Variants in KDM2A observed in about 807,000 individuals in gnomAD.
The protein encoded by KDM2A is lysine demethylase 2A, also known as lysine-specific demethylase 2A.
In KDM2A, 3 loss-of-function variants were observed where a neutral mutation model predicts 137.3. That is an observed-to-expected ratio of 0.02 (90% confidence interval 0.01 to 0.06). The LOEUF (loss-of-function observed/expected upper bound fraction) is 0.06. Ranked by LOEUF, KDM2A falls within the 10% of genes least tolerant of loss-of-function variation. The pLI, the probability that KDM2A is intolerant of heterozygous loss-of-function variation, is 1.00. For missense variants in KDM2A, 738 were observed against 1,510.6 expected (o/e 0.49, Z 8.48); for synonymous variants, 512 against 541.5 (o/e 0.95, Z 0.76).
intron 5 of KDM2A, among the ~76,000 whole-genome samples, chr11:67,189,114 T>G (rs1454732746): frequency 2.0e-5 from 3 of 152,138 alleles, no homozygotes; most frequent in Non-Finnish European, 2.9e-5. Context: ...GCATACACAT[T>G]CTTTTCAAGT....
chr11:67,121,385 C>A, intron 2 of KDM2A, 27 bp downstream of exon 2: 2 of 1,604,836 alleles, frequency 1.2e-6, no homozygotes, highest in Non-Finnish European at 1.7e-6. Context: ...CCCACCACAC[C>A]CTCCAGTTTT....
intron 8 of KDM2A, 83 bp from the exon 9 acceptor site, chr11:67,217,648 A>T (rs1387018738): frequency 7.2e-7 from 1 of 1,395,954 alleles, no homozygotes; most frequent in Non-Finnish European, 1.0e-6. Context: ...TGGTGGTCTT[A>T]ATTTTGTACC....
At chr11:67,177,811 T>C (rs1447606847) in intron 2 of KDM2A, among the ~76,000 whole-genome samples, 1 of 152,212 alleles carries the variant, frequency 6.6e-6, no homozygotes, top group Non-Finnish European at 1.5e-5. Flanking sequence ...CCTAACAGTA[T>C]GTGCTACACT....
At chr11:67,172,985 G>GTTTTTA (rs1856909410) in intron 2 of KDM2A, among the ~76,000 whole-genome samples, 1 of 151,928 alleles carries the variant, frequency 6.6e-6, no homozygotes, top group Admixed American at 6.6e-5. Flanking sequence ...TGATGCACTG[G>GTTTTTA]TTTTTATTTT....
chr11:67,140,675 C>A (rs1281674399), intron 2 of KDM2A, among the ~76,000 whole-genome samples: 1 of 152,074 alleles, frequency 6.6e-6, no homozygotes, highest in Non-Finnish European at 1.5e-5. Flanking sequence ...GTTGCTTGAA[C>A]CCGTGAGGCG....
In KDM2A at chr11:67,255,743, T is replaced by C; in HGVS notation, c.*688T>C. Reference sequence around the variant, plus strand: ...CTTGCTAGTCTCTATGAGGTCCTTATTGCACTTATTGGGGTTGAAGCTCTT... The same window carrying C: ...CTTGCTAGTCTCTATGAGGTCCTTACTGCACTTATTGGGGTTGAAGCTCTT... On this transcript the variant is annotated 3_prime_UTR_variant, in exon 21 of 21. Transcript: ENST00000529006. 1 of 362,396 alleles carries C rather than the reference T, an allele frequency of 2.8e-6. No homozygotes were observed. The highest frequency in any genetic ancestry group is 5.5e-6 in the Non-Finnish European group (1 of 180,814). The allele number at this position is 362,396 out of a possible 1,614,324, so 22.4% of individuals were successfully genotyped here.
chr11:67,120,045 C>T lies in KDM2A; in HGVS notation c.-88C>T, dbSNP rs910817785. The T allele has an allele frequency of 3.3e-5, 5 of 152,438 alleles. No individual in the cohort carries two copies. Among genetic ancestry groups the T allele is most frequent in the African/African-American group, 1.2e-4 (5 of 41,460 alleles). 9.4% of individuals were successfully genotyped at this position (152,438 alleles called of 1,614,324 possible). On this transcript the variant is annotated 5_prime_UTR_variant, in exon 1 of 21. Transcript: ENST00000529006. Reference sequence around the variant, plus strand: ...TTGGACAAGAACTCAAGAGCAGAATCTCCGGTGAGTTTCCCCCTCCCCCCC... The same window carrying T: ...TTGGACAAGAACTCAAGAGCAGAATTTCCGGTGAGTTTCCCCCTCCCCCCC...
chr11:67,123,666 G>A (rs1855650585), intron 2 of KDM2A, among the ~76,000 whole-genome samples: 1 of 151,676 alleles, frequency 6.6e-6, no homozygotes, highest in African/African-American at 2.4e-5. Context: ...TTTCCAGCAA[G>A]CAAAACTTTT....
Position 67,219,336 on chromosome 11 carries a change from G to A in KDM2A, c.890G>A (p.Gly297Asp). Residue 297 changes from glycine to aspartate, a missense_variant, in exon 10 of 21, where the codon GGC becomes GAC. Physicochemically the swap from Gly to Asp is moderately conservative, Grantham distance 94. Around this residue, in one of 9 missense-constraint regions of KDM2A, gnomAD observed 43 missense variants for 254.6 expected, o/e 0.17. Transcript: ENST00000529006. Reference protein sequence around the residue: ...YTPTDTLVFGGNFLHSFNIPM... With the variant: ...YTPTDTLVFGDNFLHSFNIPM... ...CCTACAGACACATTAGTGTTTGGGG[G>A]CAATTTTTTGCATAGCTTCAACATC... 6.2e-7 allele frequency: 1 copy of A among 1,610,858 alleles called. No homozygotes were observed. Among genetic ancestry groups the A allele is most frequent in the East Asian group, 2.2e-5 (1 of 44,614 alleles).
chr11:67,234,922 G>A (rs554454616), intron 12 of KDM2A, among the ~76,000 whole-genome samples: 57 of 151,922 alleles, frequency 3.8e-4, no homozygotes, highest in Non-Finnish European at 7.4e-4. Context: ...TGAGGCGGGC[G>A]GATCATGAGG....
chr11:67,160,526 C>T (rs1856611948), intron 2 of KDM2A, among the ~76,000 whole-genome samples: 1 of 152,198 alleles, frequency 6.6e-6, no homozygotes. Flanking sequence ...AATCCCAGCA[C>T]TTTGGGAGGC....
intron 17 of KDM2A, 53 bp from the exon 18 acceptor site, chr11:67,252,641 G>C: frequency 6.3e-7 from 1 of 1,597,800 alleles, no homozygotes; most frequent in Non-Finnish European, 8.6e-7. Flanking sequence ...GCCTGTGATG[G>C]GAGCTCCACT....
chr11:67,168,025 C>T (rs1186209522), intron 2 of KDM2A, among the ~76,000 whole-genome samples: 3 of 152,062 alleles, frequency 2.0e-5, no homozygotes, highest in African/African-American at 4.8e-5. Flanking sequence ...GCAGTGATTC[C>T]GACTCTTTTT....
At chr11:67,179,354 A>C (rs1590752783) in intron 2 of KDM2A, among the ~76,000 whole-genome samples, 1 of 151,518 alleles carries the variant, frequency 6.6e-6, no homozygotes, top group Non-Finnish European at 1.5e-5. Flanking sequence ...GCTCACTGCA[A>C]CCTCCACCTC....
intron 9 of KDM2A, among the ~76,000 whole-genome samples, 189 bp from the exon 10 acceptor site, chr11:67,219,099 C>G (rs2136401323): frequency 6.6e-6 from 1 of 152,248 alleles, no homozygotes; most frequent in South Asian, 2.1e-4. Context: ...CATGAGCAAC[C>G]ATAAGAGGTA....
chr11:67,162,664 C>T (rs1856660224), intron 2 of KDM2A, among the ~76,000 whole-genome samples: 1 of 152,054 alleles, frequency 6.6e-6, no homozygotes, highest in Non-Finnish European at 1.5e-5. Context: ...CCTCGGCCTC[C>T]CAAAGTGCTG....
chr11:67,170,893 G>T (rs1014620850), intron 2 of KDM2A, among the ~76,000 whole-genome samples: 2 of 152,148 alleles, frequency 1.3e-5, no homozygotes, highest in African/African-American at 2.4e-5. Flanking sequence ...GCATAGAGTA[G>T]TGGTTAGGAC....
chr11:67,211,669 T>C (rs946305558), intron 6 of KDM2A, among the ~76,000 whole-genome samples: 7 of 149,826 alleles, frequency 4.7e-5, no homozygotes, highest in Non-Finnish European at 1.0e-4. Flanking sequence ...CTATTAGTAG[T>C]TCTTTTTTAA....
intron 2 of KDM2A, among the ~76,000 whole-genome samples, chr11:67,158,963 G>A (rs1856578912): frequency 6.6e-6 from 1 of 152,090 alleles, no homozygotes; most frequent in Non-Finnish European, 1.5e-5. Flanking sequence ...CCAGTGAGTG[G>A]CTTGTCTTTT....
Sources: gnomAD v4.1 joint callset for allele counts (sites outside exome capture counted in the v4.1 genomes callset) on GRCh38, gnomAD v4.1.1 for gene constraint, gnomAD v4.1.1 regional missense constraint, MANE v1.5 for transcripts, NCBI Gene and HGNC (gene_info 2026-07-23, HGNC 2026-07-21) for gene names.